The following CNTN5 variants were observed in gnomAD, a reference collection of about 807,000 sequenced individuals.
CNTN5 encodes contactin-5.
A neutral mutation model predicts 129.1 loss-of-function variants in CNTN5; 77 were observed. The observed-to-expected ratio is 0.60, with a 90% CI of 0.50 to 0.72. The LOEUF is 0.72. Ranked by LOEUF, CNTN5 falls within the 30% of genes least tolerant of loss-of-function variation. CNTN5 has a pLI of 0.00. For synonymous variants in CNTN5, 509 were observed against 465.6 expected, an observed-to-expected ratio of 1.09 and a Z score of -1.20; for missense variants, 1,478 against 1,328.8, an observed-to-expected ratio of 1.11 and a Z score of -1.75.
At chr11:99,897,137 C>A (rs2135934604) in intron 6 of CNTN5, among the ~76,000 whole-genome samples, 1 of 152,116 alleles carries the variant, frequency 6.6e-6, no homozygotes, top group African/African-American at 2.4e-5. Flanking sequence ...AAAAACAAAA[C>A]CTTTGAGAAA....
At chr11:99,684,581 T>C (rs1374341202) in intron 3 of CNTN5, among the ~76,000 whole-genome samples, 1 of 151,868 alleles carries the variant, frequency 6.6e-6, no homozygotes, top group East Asian at 1.9e-4. Flanking sequence ...TAATGTTAGT[T>C]CTTGGTTTCT....
intron 1 of CNTN5, among the ~76,000 whole-genome samples, chr11:99,080,979 A>AGTTTT (rs1214625799): frequency 2.8e-5 from 2 of 71,624 alleles, no homozygotes; most frequent in East Asian, 1.2e-3. Flanking sequence ...CTGAGAAATC[A>AGTTTT]GTTTTTTTTT....
chr11:99,378,593 A>T (rs1349400954), intron 2 of CNTN5, among the ~76,000 whole-genome samples: 3 of 152,100 alleles, frequency 2.0e-5, no homozygotes, highest in Non-Finnish European at 4.4e-5. Context: ...TTTTGCACAG[A>T]CTTCATATAT....
intron 8 of CNTN5, among the ~76,000 whole-genome samples, chr11:99,966,437 G>A (rs536946760): frequency 1.3e-5 from 2 of 152,272 alleles, no homozygotes; most frequent in South Asian, 4.1e-4. Context: ...GCTTCTACAG[G>A]CATCTTGAGC....
At chr11:99,691,877 C>T (rs2134789812) in intron 3 of CNTN5, among the ~76,000 whole-genome samples, 1 of 152,174 alleles carries the variant, frequency 6.6e-6, no homozygotes, top group East Asian at 1.9e-4. Context: ...GTGTGGGAGT[C>T]TAAGTCTCTT....
At chr11:99,075,205 A>AAAT (rs1865512839) in intron 1 of CNTN5, among the ~76,000 whole-genome samples, 1 of 152,204 alleles carries the variant, frequency 6.6e-6, no homozygotes, top group Admixed American at 6.5e-5. Context: ...GCAACCAAAT[A>AAAT]AATAATAAAT....
In CNTN5 at chr11:100,317,868, T is replaced by C. The variant is rs1233202321; in HGVS notation, c.2730+9400T>C. On this transcript the variant is annotated intron_variant, in intron 21 of 24. Transcript: ENST00000524871. ...ATTTTGACACAAACCATTTTAAGAC[T>C]CTTAGGATATTTTCCTGAACATATT... Among the ~76,000 whole-genome samples, 5 of 152,282 alleles carry C rather than the reference T, an allele frequency of 3.3e-5. No individual in the cohort carries two copies. In the East Asian group the frequency reaches 9.7e-4, roughly 29 times the overall value.
At chr11:99,093,166 C>T (rs1049710381) in intron 1 of CNTN5, among the ~76,000 whole-genome samples, 1 of 151,992 alleles carries the variant, frequency 6.6e-6, no homozygotes, top group African/African-American at 2.4e-5. Flanking sequence ...AAACAACTTT[C>T]CTCTAATTTA....
At chr11:100,139,932 A>G (rs1053082812) in intron 13 of CNTN5, among the ~76,000 whole-genome samples, 1 of 152,100 alleles carries the variant, frequency 6.6e-6, no homozygotes, top group Non-Finnish European at 1.5e-5. Context: ...AAGAGAAGAA[A>G]CTGATGGCTA....
chr11:99,795,082 A>G (rs1170488363), intron 3 of CNTN5, among the ~76,000 whole-genome samples: 5 of 152,114 alleles, frequency 3.3e-5, no homozygotes, highest in Non-Finnish European at 7.4e-5. Flanking sequence ...TTTGCTTTCT[A>G]TACATAATCC....
intron 1 of CNTN5, among the ~76,000 whole-genome samples, chr11:99,282,987 C>T (rs1398950589): frequency 6.6e-6 from 1 of 152,016 alleles, no homozygotes; most frequent in African/African-American, 2.4e-5. Context: ...AAGCCTCCTA[C>T]AATTCAACAG....
At chr11:99,660,948 C>T (rs1013606059) in intron 3 of CNTN5, among the ~76,000 whole-genome samples, 4 of 151,940 alleles carry the variant, frequency 2.6e-5, no homozygotes, top group African/African-American at 9.7e-5. Context: ...TTGAAAATCA[C>T]TTTACTAGCA....
Position 100,253,233 on chromosome 11 carries a change from C to T in CNTN5, c.2006-2527C>T, listed in dbSNP as rs967415858. 2.0e-5 allele frequency among the ~76,000 whole-genome samples: 3 copies of T among 152,264 alleles called. No homozygotes were observed. In the East Asian group the frequency reaches 5.8e-4, roughly 29 times the overall value. ...GAAAACAGTAAAGGTCTCTGTACTC[C>T]TTGCTTCCTTCCACAAATTAGGATT... On this transcript the variant is annotated intron_variant, in intron 16 of 24. Coordinates refer to ENST00000524871, the MANE Select transcript of CNTN5 (RefSeq NM_014361.4).
intron 18 of CNTN5, among the ~76,000 whole-genome samples, chr11:100,277,620 T>G (rs1327369644): frequency 6.6e-6 from 1 of 152,198 alleles, no homozygotes; most frequent in Non-Finnish European, 1.5e-5. Context: ...TGTCTTCTTT[T>G]GAGAAATGTC....
intron 13 of CNTN5, among the ~76,000 whole-genome samples, chr11:100,139,912 A>T (rs1946639414): frequency 6.6e-6 from 1 of 152,090 alleles, no homozygotes; most frequent in Non-Finnish European, 1.5e-5. Context: ...CAAGTTGTAG[A>T]CTCATAAAGA....
intron 1 of CNTN5, among the ~76,000 whole-genome samples, chr11:99,026,078 C>T (rs1863095938): frequency 6.6e-6 from 1 of 151,520 alleles, no homozygotes; most frequent in African/African-American, 2.4e-5. Flanking sequence ...TTGGAAGTTA[C>T]AGGTGAGTGA....
intron 9 of CNTN5, among the ~76,000 whole-genome samples, chr11:100,046,527 T>TGATTTGC (rs1450303046): frequency 6.6e-6 from 1 of 152,182 alleles, no homozygotes; most frequent in Non-Finnish European, 1.5e-5. Context: ...TAGTTATTTG[T>TGATTTGC]GATTTGCTTT....
chr11:99,612,422 T>A (rs1950618491), intron 3 of CNTN5, among the ~76,000 whole-genome samples: 1 of 152,198 alleles, frequency 6.6e-6, no homozygotes, highest in Admixed American at 6.6e-5. Context: ...ATTGAGTAGG[T>A]AAAAAGTTAA....
At chr11:99,492,211 G>A (rs1050433123) in intron 2 of CNTN5, among the ~76,000 whole-genome samples, 35 of 152,098 alleles carry the variant, frequency 2.3e-4, no homozygotes, top group Non-Finnish European at 4.6e-4. Context: ...TTTATGTGAC[G>A]GGTCATGTTC....
Sources: gnomAD v4.1 joint callset for allele counts (sites outside exome capture counted in the v4.1 genomes callset) on GRCh38, gnomAD v4.1.1 for gene constraint, MANE v1.5 for transcripts, NCBI Gene and HGNC (gene_info 2026-07-23, HGNC 2026-07-21) for gene names.